NEDD4L: variants seen among roughly 807,000 people sequenced by gnomAD.
NEDD4L encodes NEDD4 like E3 ubiquitin protein ligase, also known as E3 ubiquitin-protein ligase NEDD4-like.
Under a neutral mutation model 148.9 loss-of-function variants are expected in NEDD4L, and 54 were observed. The ratio of observed to expected loss-of-function variants is 0.36; its 90% CI spans 0.29 to 0.45. The LOEUF is 0.45. Ranked by LOEUF, NEDD4L falls within the 20% of genes least tolerant of loss-of-function variation. The pLI is 1.00. For synonymous variants in NEDD4L, 433 were observed against 440.7 expected, an observed-to-expected ratio of 0.98 and a Z score of 0.22; for missense variants, 856 against 1,233.8, an observed-to-expected ratio of 0.69 and a Z score of 4.59.
At position 58,323,237 on chromosome 18, in the gene NEDD4L, A is replaced by C; in HGVS notation, c.416A>C (p.Lys139Thr). Residue 139 changes from lysine (K) to threonine (T), a missense_variant, in exon 8 of 31, where the codon AAG becomes ACG. Lys to Thr is a moderately conservative substitution (Grantham distance 78). Transcript: ENST00000400345. ...TTCTTCCATTATGTGTGCAGTCATA[A>C]GTCTCGAGTTAAGGGATTTTTGCGA... ...KDFLLRPRSHKSRVKGFLRLK... is the reference protein window; with the variant it reads ...KDFLLRPRSHTSRVKGFLRLK... 6.3e-7 allele frequency: 1 copy of C among 1,589,796 alleles called. No homozygotes were observed. Among genetic ancestry groups the C allele is most frequent in the South Asian group, 1.1e-5 (1 of 88,178 alleles).
At chr18:58,249,418 T>C (rs559724654) in intron 4 of NEDD4L, among the ~76,000 whole-genome samples, 2 of 152,354 alleles carry the variant, frequency 1.3e-5, no homozygotes, top group South Asian at 4.1e-4. Flanking sequence ...TTCTGGAATC[T>C]AAATACAACA....
At chr18:58,351,269 C>A in intron 18 of NEDD4L, 1 of 709,454 alleles carries the variant, frequency 1.4e-6, no homozygotes, top group Non-Finnish European at 1.7e-6. Context: ...ATCTTGTGAC[C>A]TATTAACGTG....
intron 2 of NEDD4L, among the ~76,000 whole-genome samples, chr18:58,176,710 G>A (rs558333411): frequency 2.0e-5 from 3 of 152,288 alleles, no homozygotes; most frequent in East Asian, 3.9e-4. Flanking sequence ...CCTTGTTCAC[G>A]TTGCCCTGAC....
At chr18:58,210,316 A>G (rs1269069116) in intron 2 of NEDD4L, among the ~76,000 whole-genome samples, 1 of 152,238 alleles carries the variant, frequency 6.6e-6, no homozygotes, top group Non-Finnish European at 1.5e-5. Flanking sequence ...GGAAAATACA[A>G]ATTACCAAAG....
At chr18:58,363,043 G>C (rs1038250979) in intron 19 of NEDD4L, among the ~76,000 whole-genome samples, 1 of 152,156 alleles carries the variant, frequency 6.6e-6, no homozygotes, top group African/African-American at 2.4e-5. Context: ...ACTAAGAAAA[G>C]ACCATAGGCA....
chr18:58,333,579 TCTTA>T (rs1221554757), intron 11 of NEDD4L, among the ~76,000 whole-genome samples: 1 of 152,206 alleles, frequency 6.6e-6, no homozygotes, highest in Non-Finnish European at 1.5e-5. Flanking sequence ...TTTGGTCTCC[TCTTA>T]CTTTTGCCAC....
At chr18:58,255,438 C>A in intron 5 of NEDD4L, 1 of 1,143,090 alleles carries the variant, frequency 8.7e-7, no homozygotes, top group Non-Finnish European at 1.1e-6. Context: ...TGGATGAGAG[C>A]TTTTTGCTCT....
chr18:58,058,769 A>G (rs1325328603), intron 1 of NEDD4L, among the ~76,000 whole-genome samples: 1 of 152,192 alleles, frequency 6.6e-6, no homozygotes, highest in Non-Finnish European at 1.5e-5. Flanking sequence ...GTCTCCAACT[A>G]TCCCTCTTCA....
At chr18:58,157,775 CTTTA>C (rs1283073991) in intron 1 of NEDD4L, among the ~76,000 whole-genome samples, 1 of 152,150 alleles carries the variant, frequency 6.6e-6, no homozygotes, top group Non-Finnish European at 1.5e-5. Flanking sequence ...AGGCAATAGT[CTTTA>C]TTTCTCACTG....
intron 28 of NEDD4L, 82 bp downstream of exon 28, chr18:58,389,274 G>A (rs1409267499): frequency 3.1e-6 from 3 of 961,010 alleles, no homozygotes; most frequent in Non-Finnish European, 4.8e-6. Flanking sequence ...ATTGTGGTCT[G>A]ACTTCAGGAC....
intron 9 of NEDD4L, among the ~76,000 whole-genome samples, chr18:58,327,509 G>A (rs954926214): frequency 4.6e-5 from 7 of 152,224 alleles, no homozygotes; most frequent in African/African-American, 1.7e-4. Context: ...GCTGAGCCAG[G>A]AAGGACACAG....
At chr18:58,176,010 C>T (rs2038093115) in intron 2 of NEDD4L, among the ~76,000 whole-genome samples, 1 of 152,140 alleles carries the variant, frequency 6.6e-6, no homozygotes, top group Admixed American at 6.5e-5. Flanking sequence ...ATAGCCATCG[C>T]CACAATAATG....
chr18:58,045,241 G>A (rs766332129), intron 1 of NEDD4L: 1 of 397,850 alleles, frequency 2.5e-6, no homozygotes, highest in Admixed American at 4.4e-5. Context: ...GACACGCTGC[G>A]TGTGTCCCTC....
chr18:58,375,487 G>C (rs562049499), intron 24 of NEDD4L, among the ~76,000 whole-genome samples: 122 of 152,132 alleles, frequency 8.0e-4, no homozygotes, highest in African/African-American at 2.8e-3. Context: ...TCATAATCCA[G>C]ACCTACCCCC....
In NEDD4L at chr18:58,366,908, C is replaced by G. The variant is rs367576217; in HGVS notation, c.2063+680C>G. ...GGCTCTAAGGGGACGTGGGTTCCCC[C>G]ACATCTCCCACCTGGTACCAGTCTC... On this transcript the variant is annotated intron_variant, in intron 21 of 30. Coordinates refer to ENST00000400345, the MANE Select transcript of NEDD4L (RefSeq NM_001144967.3). This position sits in a 1 kb window ranked among gnomAD's most constrained non-coding sequence, Gnocchi z 4.2. Among the ~76,000 whole-genome samples, 97 of 152,322 alleles carry G rather than the reference C, an allele frequency of 6.4e-4. No individual in the cohort carries two copies. The highest frequency in any genetic ancestry group is 2.3e-3 in the African/African-American group (94 of 41,582).
intron 1 of NEDD4L, among the ~76,000 whole-genome samples, chr18:58,109,295 A>G (rs483540): frequency 0.094 from 14,355 of 152,226 alleles, 1,053 homozygotes; most frequent in African/African-American, 0.2. Flanking sequence ...ATTTATGCCC[A>G]CAGAAGAGTT....
intron 1 of NEDD4L, among the ~76,000 whole-genome samples, chr18:58,068,498 C>T (rs553081452): frequency 1.4e-4 from 21 of 152,250 alleles, no homozygotes; most frequent in Admixed American, 2.6e-4. Flanking sequence ...CGCTCACAGC[C>T]GAACTCCTAG....
At chr18:58,240,457 C>T (rs1269774078) in intron 2 of NEDD4L, among the ~76,000 whole-genome samples, 6 of 152,140 alleles carry the variant, frequency 3.9e-5, no homozygotes, top group African/African-American at 1.4e-4. Context: ...CCCTTGCACA[C>T]TTACACACAA....
intron 5 of NEDD4L, among the ~76,000 whole-genome samples, chr18:58,264,024 T>C (rs1451905645): frequency 6.6e-6 from 1 of 152,116 alleles, no homozygotes; most frequent in East Asian, 1.9e-4. Flanking sequence ...ATCTGTTCCA[T>C]AGGACCTTAC....
Sources: allele counts gnomAD v4.1 joint callset (sites outside exome capture counted in the v4.1 genomes callset), GRCh38; gene constraint gnomAD v4.1.1; non-coding constraint Gnocchi (gnomAD v3.1); transcripts MANE v1.5; gene names NCBI Gene and HGNC (gene_info 2026-07-23, HGNC 2026-07-21).